The following FAM171A1 variants were observed in gnomAD, a reference collection of about 807,000 sequenced individuals.
FAM171A1 encodes the protein protein FAM171A1.
A neutral mutation model predicts 74.9 loss-of-function variants in FAM171A1; 23 were observed. The observed-to-expected ratio is 0.31, with a 90% CI of 0.22 to 0.44. The LOEUF is 0.44. Among genes scored for constraint, FAM171A1 ranks in the 20% least tolerant of loss-of-function variants. The pLI is 1.00. For missense variants in FAM171A1, 1,162 were observed against 1,159.2 expected, an observed-to-expected ratio of 1.00 and a Z score of -0.03; for synonymous variants, 527 against 505.7, an observed-to-expected ratio of 1.04 and a Z score of -0.57.
intron 1 of FAM171A1, among the ~76,000 whole-genome samples, chr10:15,329,092 G>A (rs1025958055): frequency 1.3e-5 from 2 of 152,200 alleles, no homozygotes; most frequent in African/African-American, 4.8e-5. Context: ...GCCCTCAGAT[G>A]TGGTGATGTC....
At chr10:15,245,006 G>C (rs1266870291) in intron 5 of FAM171A1, among the ~76,000 whole-genome samples, 1 of 152,034 alleles carries the variant, frequency 6.6e-6, no homozygotes, top group African/African-American at 2.4e-5. Context: ...TGACTGGGGA[G>C]GTATTTTGTT....
chr10:15,222,086 C>T (rs112947656), intron 5 of FAM171A1, among the ~76,000 whole-genome samples: 4 of 152,234 alleles, frequency 2.6e-5, no homozygotes, highest in East Asian at 1.9e-4. Flanking sequence ...AGAGGCTGGG[C>T]GAACCTCTAG....
chr10:15,356,829 G>C (rs1325821554), intron 1 of FAM171A1, among the ~76,000 whole-genome samples: 1 of 152,040 alleles, frequency 6.6e-6, no homozygotes. Flanking sequence ...AAATTGGCCA[G>C]GTGTGGTGGT....
Position 15,267,754 on chromosome 10 carries a change from T to C in FAM171A1, c.418+8101A>G, listed in dbSNP as rs147146158. Among the ~76,000 whole-genome samples, 577 of 151,912 alleles carry C rather than the reference T, an allele frequency of 3.8e-3. 2 individuals carry two copies. The highest frequency in any genetic ancestry group is 6.5e-3 in the Non-Finnish European group (445 of 68,004). On this transcript the variant is annotated intron_variant, in intron 3 of 7. Transcript: ENST00000378116. ...AGACTTGAGAGGAGACAGTGAAGTG[T>C]CCAGCTGTCAGGGCCAGCAGGGTGG...
chr10:15,350,394 G>A (rs781662457), intron 1 of FAM171A1, among the ~76,000 whole-genome samples: 11 of 152,050 alleles, frequency 7.2e-5, no homozygotes, highest in Non-Finnish European at 1.6e-4. Flanking sequence ...CTGGAGTGCA[G>A]TGGCGTGATC....
At chr10:15,334,522 T>C (rs1275306025) in intron 1 of FAM171A1, among the ~76,000 whole-genome samples, 2 of 152,322 alleles carry the variant, frequency 1.3e-5, no homozygotes, top group South Asian at 2.1e-4. Context: ...ATTCACGCTA[T>C]ATTGAAAGAA....
chr10:15,288,766 G>A lies in FAM171A1; in HGVS notation c.98-4661C>T, dbSNP rs184293318. On this transcript the variant is annotated intron_variant, in intron 1 of 7. Coordinates refer to ENST00000378116, the MANE Select transcript of FAM171A1 (RefSeq NM_001010924.2). ...GTTAAAAGAGATTGTTTAGTTCTTC[G>A]CTTGGTATGATCAGAGAGAACAAAA... Among the ~76,000 whole-genome samples the A allele has an allele frequency of 1.0e-4, 15 of 148,822 alleles. 1 individual carries two copies. In the South Asian group the frequency reaches 2.8e-3, roughly 28 times the overall value.
intron 5 of FAM171A1, among the ~76,000 whole-genome samples, chr10:15,232,534 A>AT (rs1236120977): frequency 3.3e-5 from 5 of 151,632 alleles, no homozygotes; most frequent in Non-Finnish European, 7.4e-5. Flanking sequence ...GAACTGTTTG[A>AT]TTTTTTTTTC....
At position 15,352,982 on chromosome 10, in the gene FAM171A1, G is replaced by A. The variant is rs117711866; in HGVS notation, c.97+17974C>T. The stretch of plus-strand genomic sequence containing the variant: ...AGCAACATTTGGACAATCGGTAGAT[G>A]CAGGGCCTGGATAGCAAAGCCGCAT... On this transcript the variant is annotated intron_variant, in intron 1 of 7. Transcript: ENST00000378116. Among the ~76,000 whole-genome samples, 529 of 152,342 alleles carry A rather than the reference G, an allele frequency of 3.5e-3. 1 individual carries two copies. Among genetic ancestry groups the A allele is most frequent in the Non-Finnish European group, 3.5e-3 (235 of 68,032 alleles).
chr10:15,357,592 T>C (rs1022997005), intron 1 of FAM171A1, among the ~76,000 whole-genome samples: 1 of 152,198 alleles, frequency 6.6e-6, no homozygotes, highest in Non-Finnish European at 1.5e-5. Context: ...GTGAATTTCC[T>C]GGTATGTAAA....
chr10:15,270,106 G>A (rs879986009), intron 3 of FAM171A1, among the ~76,000 whole-genome samples: 1 of 152,204 alleles, frequency 6.6e-6, no homozygotes, highest in East Asian at 1.9e-4. Context: ...AGCGCAACGG[G>A]TCGGGGAATT....
intron 1 of FAM171A1, among the ~76,000 whole-genome samples, chr10:15,295,623 A>T (rs1835152582): frequency 6.6e-6 from 1 of 151,570 alleles, no homozygotes; most frequent in Non-Finnish European, 1.5e-5. Flanking sequence ...TGGGATTTTC[A>T]TTTTTTCTTT....
intron 5 of FAM171A1, among the ~76,000 whole-genome samples, chr10:15,246,052 C>T (rs1834429296): frequency 6.6e-6 from 1 of 152,148 alleles, no homozygotes; most frequent in Non-Finnish European, 1.5e-5. Flanking sequence ...CACAGTGTAC[C>T]TCAGGTCCCC....
chr10:15,217,844 G>A (rs918728345), intron 6 of FAM171A1, among the ~76,000 whole-genome samples: 2 of 151,912 alleles, frequency 1.3e-5, no homozygotes, highest in Admixed American at 6.6e-5. Flanking sequence ...TCTTGGCCAG[G>A]CTGGTCTTGA....
intron 1 of FAM171A1, among the ~76,000 whole-genome samples, chr10:15,311,969 G>GTTC (rs2131838399): frequency 6.6e-6 from 1 of 152,294 alleles, no homozygotes; most frequent in South Asian, 2.1e-4. Context: ...ATTATTTACT[G>GTTC]TTACAGTGAG....
chr10:15,306,669 C>A (rs540859032), intron 1 of FAM171A1, among the ~76,000 whole-genome samples: 6 of 152,070 alleles, frequency 3.9e-5, no homozygotes, highest in Non-Finnish European at 8.8e-5. Context: ...CCTGGCATAG[C>A]CATTCTTTTT....
intron 1 of FAM171A1, among the ~76,000 whole-genome samples, chr10:15,324,236 ACTTC>A (rs1208117312): frequency 2.0e-5 from 3 of 151,956 alleles, no homozygotes; most frequent in African/African-American, 4.8e-5. Context: ...CTGAGACCCA[ACTTC>A]CTTCCTTTCT....
At chr10:15,272,647 A>G (rs1381679701) in intron 3 of FAM171A1, among the ~76,000 whole-genome samples, 4 of 152,146 alleles carry the variant, frequency 2.6e-5, no homozygotes, top group Non-Finnish European at 4.4e-5. Flanking sequence ...TGGGAGTAAA[A>G]CACTCCTCAG....
chr10:15,355,014 C>T (rs1387823115), intron 1 of FAM171A1, among the ~76,000 whole-genome samples: 7 of 152,208 alleles, frequency 4.6e-5, no homozygotes, highest in Admixed American at 1.3e-4. Flanking sequence ...TGAGTCAATA[C>T]ATTAATGACT....
Sources: gnomAD v4.1 joint callset for allele counts (sites outside exome capture counted in the v4.1 genomes callset) on GRCh38, gnomAD v4.1.1 for gene constraint, MANE v1.5 for transcripts, NCBI Gene and HGNC (gene_info 2026-07-23, HGNC 2026-07-21) for gene names.